SORBS3: variants seen among roughly 807,000 people sequenced by gnomAD.
SORBS3 encodes the protein vinexin.
In SORBS3, 69 loss-of-function variants were observed where a neutral mutation model predicts 98.0. That is an observed-to-expected ratio of 0.70 (90% CI 0.58 to 0.86). The LOEUF (loss-of-function observed/expected upper bound fraction) is 0.86, where lower values mean the gene tolerates loss of function less well. SORBS3 is among the 40% of genes least tolerant of loss of function. The pLI is 0.00. For missense variants in SORBS3, 954 were observed against 908.5 expected (o/e 1.05, Z -0.64); for synonymous variants, 394 against 355.4 (o/e 1.11, Z -1.22).
intron 1 of SORBS3, among the ~76,000 whole-genome samples, chr8:22,545,844 ATG>A (rs1840010211): frequency 6.6e-6 from 1 of 152,230 alleles, no homozygotes; most frequent in South Asian, 2.1e-4. Context: ...GGCAATAAAG[ATG>A]TGTTTTTGTC....
chr8:22,571,780 G>A lies in SORBS3; in HGVS notation c.1806G>A (p.Leu602=). ...HSRGPSHPLD[L]GTSSPNTSQI... is the part of the protein sequence containing the mutation. Reference sequence around the variant, plus strand: ...GAGGTCCCAGCCATCCCCTGGACCTGGGGACCTCCTCTCCTAACACCTCTC... The same window carrying A: ...GAGGTCCCAGCCATCCCCTGGACCTAGGGACCTCCTCTCCTAACACCTCTC... Residue 602 remains leucine (L), a synonymous_variant, in exon 19 of 21, where the codon CTG becomes CTA. Coordinates refer to ENST00000240123, the MANE Select transcript of SORBS3 (RefSeq NM_005775.5). 6.2e-7 allele frequency: 1 copy of A among 1,613,838 alleles called. No individual in the cohort carries two copies. The highest frequency in any genetic ancestry group is 8.5e-7 in the Non-Finnish European group (1 of 1,179,844).
At chr8:22,559,857 G>C (rs1330977518) in intron 5 of SORBS3, among the ~76,000 whole-genome samples, 1 of 151,924 alleles carries the variant, frequency 6.6e-6, no homozygotes, top group Non-Finnish European at 1.5e-5. Context: ...TCATTCAAAA[G>C]AGATTTTGGG....
chr8:22,561,234 C>A, intron 5 of SORBS3, 101 bp from the exon 6 acceptor site: 1 of 1,163,404 alleles, frequency 8.6e-7, no homozygotes, highest in Non-Finnish European at 1.2e-6. Flanking sequence ...GCCCTCAGCC[C>A]CCTACTCTAG....
intron 19 of SORBS3, 54 bp from the exon 20 acceptor site, chr8:22,572,286 T>A: frequency 6.8e-7 from 1 of 1,468,962 alleles, no homozygotes; most frequent in Non-Finnish European, 9.5e-7. Context: ...GCGGCAACAC[T>A]TGGGTTAGAG....
rs552465051 is a variant in SORBS3 at position 22,554,726 on chromosome 8, G to A, written c.102+118G>A. On this transcript the variant is annotated intron_variant, in intron 2 of 20. Coordinates refer to ENST00000240123, the MANE Select transcript of SORBS3 (RefSeq NM_005775.5). The surrounding 1 kb of genome is among the most constrained non-coding windows in gnomAD (Gnocchi z 6.5). Reference sequence around the variant, plus strand: ...GGAGGGAGGGCTGAAGAGAGCTCTGGGGGGCCTCGCTGGTTTCCCACAAAA... The same window carrying A: ...GGAGGGAGGGCTGAAGAGAGCTCTGAGGGGCCTCGCTGGTTTCCCACAAAA... The A allele has an allele frequency of 7.8e-5, 108 of 1,376,680 alleles. 2 individuals carry two copies. The Admixed American group carries it at 2.2e-3, about 29-fold the overall frequency. The allele number at this position is 1,376,680 out of a possible 1,614,324, so 85.3% of individuals were successfully genotyped here. A position where few individuals can be genotyped will look rare whatever the true frequency, so the allele number is the denominator to read the frequency against.
chr8:22,571,088 C>T lies in SORBS3; in HGVS notation c.1610C>T (p.Ala537Val). ...ACGTCTCCCCGCCTGACCGCTGCCG[C>T]CCGCTCAGCCCGTCACCCCAGCTCC... ...LPTSPRLTAA[A>V]RSARHPSSPS... is the part of the protein sequence containing the mutation. The change falls in exon 18 of 21, where the codon GCC becomes GTC. Residue 537 changes from alanine to valine, a missense_variant. Coordinates refer to ENST00000240123, the MANE Select transcript of SORBS3 (RefSeq NM_005775.5). 1 of 1,611,452 alleles carries T rather than the reference C, an allele frequency of 6.2e-7. No individual in the cohort carries two copies. Among genetic ancestry groups the T allele is most frequent in the Non-Finnish European group, 8.5e-7 (1 of 1,179,534 alleles).
intron 4 of SORBS3, 40 bp downstream of exon 4, chr8:22,556,948 G>T: frequency 6.3e-7 from 1 of 1,599,920 alleles, no homozygotes; most frequent in Non-Finnish European, 8.5e-7. Context: ...ATGGGGCCCA[G>T]GGATCTACAG....
Position 22,570,937 on chromosome 8 carries a change from G to A in SORBS3, c.1459G>A (p.Val487Met), listed in dbSNP as rs780787798. The A allele has an allele frequency of 5.0e-6, 8 of 1,608,502 alleles. No homozygotes were observed. Among genetic ancestry groups the A allele is most frequent in the East Asian group, 2.2e-5 (1 of 44,760 alleles). Reference sequence around the variant, plus strand: ...AGAGCACATCTGCCTGATCCGCAAGGTGAACGAGAACTGGTACGAGGGACG... The same window carrying A: ...AGAGCACATCTGCCTGATCCGCAAGATGAACGAGAACTGGTACGAGGGACG... ...KGEHICLIRK[V>M]NENWYEGRIT... Residue 487 changes from valine to methionine, a missense_variant, in exon 18 of 21, where the codon GTG (valine) becomes ATG (methionine). Transcript: ENST00000240123.
Position 22,554,329 on chromosome 8 carries a change from G to A in SORBS3, c.-55-123G>A. On this transcript the variant is annotated intron_variant, in intron 1 of 20. Transcript: ENST00000240123. This position sits in a 1 kb window ranked among gnomAD's most constrained non-coding sequence, Gnocchi z 6.5. ...GCCTGTTTCCTGGGTCCTTGAGCTA[G>A]TACCCAGCTGGTCCTGACCCCCTCC... The A allele has an allele frequency of 9.7e-7, 1 of 1,034,902 alleles. No individual in the cohort carries two copies. Among genetic ancestry groups the A allele is most frequent in the South Asian group, 1.7e-5 (1 of 57,718 alleles). The allele number at this position is 1,034,902 out of a possible 1,614,324, so 64.1% of individuals were successfully genotyped here.
chr8:22,563,970 T>A lies in SORBS3; in HGVS notation c.585-17T>A, dbSNP rs1435795588. The A allele has an allele frequency of 2.5e-6, 4 of 1,596,446 alleles. No individual in the cohort carries two copies. The highest frequency in any genetic ancestry group is 3.4e-6 in the Non-Finnish European group (4 of 1,164,182). Reference sequence around the variant, plus strand: ...TCCCTAAAAGGAAGCTGAAGAGATGTCCTTCCCTTTCTTTAGAAGAAGCTG... The same window carrying A: ...TCCCTAAAAGGAAGCTGAAGAGATGACCTTCCCTTTCTTTAGAAGAAGCTG... On this transcript the variant is annotated splice_polypyrimidine_tract_variant and intron_variant, in intron 7 of 20. Transcript: ENST00000240123.
chr8:22,564,588 C>T, intron 10 of SORBS3, 67 bp downstream of exon 10: 2 of 1,591,690 alleles, frequency 1.3e-6, no homozygotes, highest in Non-Finnish European at 1.7e-6. Context: ...TTGGTGGCCC[C>T]AGTAACCATG....
At chr8:22,548,760 T>G (rs1311583499), upstream of SORBS3, among the ~76,000 whole-genome samples, 7 of 152,156 alleles carry the variant, frequency 4.6e-5, no homozygotes, top group Non-Finnish European at 8.8e-5. Context: ...CGGGTTCATG[T>G]CTTCTGGGAC....
intron 12 of SORBS3, 63 bp downstream of exon 12, chr8:22,565,935 G>A (rs1840404220): frequency 2.4e-5 from 27 of 1,117,172 alleles, no homozygotes; most frequent in Non-Finnish European, 2.9e-5. Flanking sequence ...GGAACGTGGC[G>A]CGGCCGGGCG....
intron 6 of SORBS3, 103 bp downstream of exon 6, chr8:22,561,476 T>C (rs1052352809): frequency 7.7e-7 from 1 of 1,297,824 alleles, no homozygotes; most frequent in Non-Finnish European, 1.1e-6. Context: ...GGCTCTCCAG[T>C]TGGCTCAGTT....
chr8:22,550,432 T>C (rs1840063181), upstream of SORBS3, among the ~76,000 whole-genome samples: 1 of 152,240 alleles, frequency 6.6e-6, no homozygotes, highest in Non-Finnish European at 1.5e-5. Context: ...CCCTATGACG[T>C]GTCCCCCAGT....
intron 7 of SORBS3, among the ~76,000 whole-genome samples, chr8:22,563,407 CAG>C (rs1840336585): frequency 6.6e-6 from 1 of 151,528 alleles, no homozygotes; most frequent in Non-Finnish European, 1.5e-5. Flanking sequence ...GTCTCACAGA[CAG>C]AGTCACTGAA....
chr8:22,560,832 CGTGTGTGT>C (rs56159823), intron 5 of SORBS3: 4,096 of 135,030 alleles, frequency 0.03, 176 homozygotes, highest in African/African-American at 0.1. Context: ...GCAGCGCATG[CGTGTGTGT>C]GTGTGTGTGT....
At chr8:22,565,640 G>A (rs1189000779) in intron 11 of SORBS3, 186 bp from the exon 12 acceptor site, 4 of 1,137,916 alleles carry the variant, frequency 3.5e-6, no homozygotes, top group Middle Eastern at 3.4e-4. Flanking sequence ...CCCCAGCCTC[G>A]GGGACCCCCG....
intron 7 of SORBS3, among the ~76,000 whole-genome samples, chr8:22,562,728 T>G (rs1462774987): frequency 6.6e-6 from 1 of 152,202 alleles, no homozygotes; most frequent in East Asian, 1.9e-4. Flanking sequence ...TTTTAAGTGG[T>G]AATGCCCAGA....
Sources: gnomAD v4.1 joint callset for allele counts (sites outside exome capture counted in the v4.1 genomes callset) on GRCh38, gnomAD v4.1.1 for gene constraint, Gnocchi (gnomAD v3.1) non-coding constraint, MANE v1.5 for transcripts, NCBI Gene and HGNC (gene_info 2026-07-23, HGNC 2026-07-21) for gene names.